APAF1: variants seen among roughly 807,000 people sequenced by gnomAD.
The protein encoded by APAF1 is apoptotic protease-activating factor 1.
APAF1 carries 91 observed loss-of-function variants against 152.4 expected under a neutral mutation model. That is an observed-to-expected ratio of 0.60 (90% CI 0.50 to 0.71). The LOEUF is 0.71. Among genes scored for constraint, APAF1 ranks in the 30% least tolerant of loss-of-function variants. The pLI is 0.00. For synonymous variants in APAF1, 484 were observed against 494.1 expected, an observed-to-expected ratio of 0.98 and a Z score of 0.27; for missense variants, 1,283 against 1,472.0, an observed-to-expected ratio of 0.87 and a Z score of 2.10.
In APAF1 at chr12:98,671,677, C is replaced by T. The variant is rs2097680298; in HGVS notation, c.1751C>T (p.Ala584Val). Residue 584 changes from alanine to valine, a missense_variant, in exon 12 of 27, where the codon GCC becomes GTC. Transcript: ENST00000551964. ...SEVYQQAKLQ[A>V]KQEVDNGMLY... is the part of the protein sequence containing the mutation. ...GTTTATCAGCAAGCTAAGCTGCAGG[C>T]CAAGCAGGAGGTCGATAATGGAATG... 1 of 1,613,618 alleles carries T rather than the reference C, an allele frequency of 6.2e-7. No homozygotes were observed. Among genetic ancestry groups the T allele is most frequent in the Non-Finnish European group, 8.5e-7 (1 of 1,179,964 alleles).
intron 9 of APAF1, among the ~76,000 whole-genome samples, chr12:98,667,021 A>G (rs555463331): frequency 1.5e-4 from 22 of 151,582 alleles, no homozygotes; most frequent in Admixed American, 5.3e-4. Context: ...GGGTGATGTT[A>G]ATGTTGATAA....
At chr12:98,647,394 A>G (rs1442916121) in intron 1 of APAF1, among the ~76,000 whole-genome samples, 2 of 150,802 alleles carry the variant, frequency 1.3e-5, no homozygotes, top group Non-Finnish European at 3.0e-5. Context: ...TTTTTTTGAG[A>G]CAGAGTCTCA....
chr12:98,649,239 G>A, intron 3 of APAF1: 1 of 983,270 alleles, frequency 1.0e-6, no homozygotes, highest in South Asian at 4.7e-5. Flanking sequence ...GGAAATAATT[G>A]GGTGAGTAAA....
In APAF1 at chr12:98,715,512, A is replaced by G. The variant is rs2097733765; in HGVS notation, c.3044A>G (p.Glu1015Gly). The change falls in exon 22 of 27, where the codon GAG becomes GGG. Residue 1015 changes from glutamate to glycine, a missense_variant. By Grantham distance (98) the Glu-to-Gly change is moderately conservative (BLOSUM62 -2). Transcript: ENST00000551964. Reference protein sequence around the residue: ...TVWHIQFTADEKTLISSSDDA... With the variant: ...TVWHIQFTADGKTLISSSDDA... ...TGGCACATCCAGTTCACAGCCGATG[A>G]GAAGACTCTTATTTCAAGTTCTGAT... The G allele has an allele frequency of 6.2e-6, 10 of 1,613,752 alleles. No individual in the cohort carries two copies. Among genetic ancestry groups the G allele is most frequent in the Non-Finnish European group, 8.5e-6 (10 of 1,179,806 alleles).
chr12:98,709,544 C>T (rs1393132590), intron 20 of APAF1, among the ~76,000 whole-genome samples: 1 of 152,066 alleles, frequency 6.6e-6, no homozygotes, highest in Non-Finnish European at 1.5e-5. Flanking sequence ...ACAGAGATGT[C>T]CTGGAAGTGG....
Position 98,648,671 on chromosome 12 carries a change from A to G in APAF1, c.184A>G (p.Lys62Glu). The G allele has an allele frequency of 6.2e-7, 1 of 1,613,880 alleles. No individual in the cohort carries two copies. The highest frequency in any genetic ancestry group is 8.5e-7 in the Non-Finnish European group (1 of 1,179,938). Reference protein sequence around the residue: ...RAAMLIKMILKKDNDSYVSFY... With the variant: ...RAAMLIKMILEKDNDSYVSFY... ...AGCTATGCTGATTAAAATGATACTT[A>G]AAAAAGATAATGATTCCTACGTATC... is the stretch of plus-strand genomic sequence containing the variant. Residue 62 changes from lysine to glutamate, a missense_variant, in exon 3 of 27, where the codon AAA becomes GAA. Lys to Glu is a moderately conservative substitution (Grantham distance 56). Transcript: ENST00000551964.
At chr12:98,672,408 G>A (rs980764385) in intron 12 of APAF1, among the ~76,000 whole-genome samples, 2 of 152,126 alleles carry the variant, frequency 1.3e-5, no homozygotes, top group Admixed American at 6.6e-5. Context: ...CAAGTGAGCT[G>A]CATGCCTCGG....
At chr12:98,682,203 G>A (rs1250892303) in intron 14 of APAF1, among the ~76,000 whole-genome samples, 9 of 151,968 alleles carry the variant, frequency 5.9e-5, no homozygotes, top group East Asian at 1.9e-4. Flanking sequence ...ACAGGCGGCC[G>A]CCACCGCGCC....
At chr12:98,715,982 A>T (rs2097734283) in intron 22 of APAF1, among the ~76,000 whole-genome samples, 1 of 152,240 alleles carries the variant, frequency 6.6e-6, no homozygotes, top group Admixed American at 6.5e-5. Flanking sequence ...TTGACATAAT[A>T]AAGAATTGTG....
At chr12:98,682,052 G>GTTTT (rs923577593) in intron 14 of APAF1, among the ~76,000 whole-genome samples, 15 of 123,886 alleles carry the variant, frequency 1.2e-4, no homozygotes, top group East Asian at 4.6e-4. Flanking sequence ...TAATTTTTTT[G>GTTTT]TTTTTTTTTT....
At position 98,671,720 on chromosome 12, in the gene APAF1, G is replaced by A. The variant is rs777105871; in HGVS notation, c.1793+1G>A. The A allele has an allele frequency of 3.1e-6, 5 of 1,613,874 alleles. No individual in the cohort carries two copies. Among genetic ancestry groups the A allele is most frequent in the Non-Finnish European group, 4.2e-6 (5 of 1,179,918 alleles). ...ATGGAATGCTTTACCTGGAATGGATGTAAGTAGGTTAGGAGAGAAACCAAA... is the reference window on the plus strand; with the variant it reads ...ATGGAATGCTTTACCTGGAATGGATATAAGTAGGTTAGGAGAGAAACCAAA... On this transcript the variant is annotated splice_donor_variant, in intron 12 of 26. Coordinates refer to ENST00000551964, the MANE Select transcript of APAF1 (RefSeq NM_181861.2). LOFTEE classifies it high-confidence loss of function.
chr12:98,680,431 A>G (rs968203195), intron 14 of APAF1, 29 bp downstream of exon 14: 2 of 1,607,906 alleles, frequency 1.2e-6, no homozygotes, highest in Non-Finnish European at 1.7e-6. Context: ...CTTGAGTTGT[A>G]ATCACAACAG....
chr12:98,706,377 A>G (rs1247492561), intron 18 of APAF1, 108 bp from the exon 19 acceptor site: 4 of 1,051,608 alleles, frequency 3.8e-6, no homozygotes, highest in East Asian at 4.7e-5. Context: ...TTTCTGAGCA[A>G]TATTCATTGA....
intron 5 of APAF1, among the ~76,000 whole-genome samples, chr12:98,662,147 C>CTTTT (rs575642787): frequency 1.8e-5 from 2 of 110,440 alleles, no homozygotes; most frequent in African/African-American, 6.7e-5. Flanking sequence ...GTAATGGTCG[C>CTTTT]TTTTTTTTTT....
rs763928339 is a variant in APAF1 at position 98,706,503 on chromosome 12, C to G, written c.2614C>G (p.Arg872Gly). 3.7e-6 allele frequency: 6 copies of G among 1,613,988 alleles called. No individual in the cohort carries two copies. Among genetic ancestry groups the G allele is most frequent in the Non-Finnish European group, 5.1e-6 (6 of 1,179,890 alleles). ...YCVELWNTDS[R>G]SKVADCRGHL... ...TCTGTAGTTGTGGAATACAGACTCA[C>G]GTTCAAAGGTGGCTGATTGCAGAGG... is the stretch of plus-strand genomic sequence containing the variant. Residue 872 changes from arginine to glycine, a missense_variant, in exon 19 of 27, where the codon CGT (arginine) becomes GGT (glycine). Coordinates refer to ENST00000551964, the MANE Select transcript of APAF1 (RefSeq NM_181861.2).
chr12:98,677,688 A>G, intron 13 of APAF1, 137 bp downstream of exon 13: 1 of 1,029,742 alleles, frequency 9.7e-7, no homozygotes, highest in Non-Finnish European at 1.4e-6. Flanking sequence ...TGAACATTTT[A>G]TTAAAGGTTT....
chr12:98,683,634 A>G (rs1352756107), intron 15 of APAF1, among the ~76,000 whole-genome samples: 3 of 152,222 alleles, frequency 2.0e-5, no homozygotes, highest in Admixed American at 1.3e-4. Flanking sequence ...AGAGTAAGAG[A>G]AATGTGCTCT....
intron 22 of APAF1, among the ~76,000 whole-genome samples, chr12:98,718,026 G>A (rs1421542197): frequency 6.6e-6 from 1 of 152,146 alleles, no homozygotes; most frequent in East Asian, 1.9e-4. Context: ...ATAACAGGAA[G>A]TATTAATAGA....
At chr12:98,656,950 T>C (rs2153311401) in intron 4 of APAF1, among the ~76,000 whole-genome samples, 1 of 152,352 alleles carries the variant, frequency 6.6e-6, no homozygotes, top group South Asian at 2.1e-4. Flanking sequence ...TCGTAGATTA[T>C]AACCTTCCTC....
Sources: gnomAD v4.1 joint callset for allele counts (sites outside exome capture counted in the v4.1 genomes callset) on GRCh38, gnomAD v4.1.1 for gene constraint, MANE v1.5 for transcripts, NCBI Gene and HGNC (gene_info 2026-07-23, HGNC 2026-07-21) for gene names.